The following ABL1 variants were observed in gnomAD, a reference collection of about 807,000 sequenced individuals.
ABL1 encodes tyrosine-protein kinase ABL1.
In ABL1, 11 loss-of-function variants were observed where a neutral mutation model predicts 94.7. The ratio of observed to expected loss-of-function variants is 0.12; its 90% CI spans 0.07 to 0.19. The LOEUF is 0.19. Ranked by LOEUF, ABL1 falls within the 10% of genes least tolerant of loss-of-function variation. ABL1 has a pLI of 1.00. For missense variants in ABL1, 1,082 were observed against 1,489.4 expected (o/e 0.73, Z 4.50); for synonymous variants, 656 against 622.4 (o/e 1.05, Z -0.80).
chr9:130,844,935 A>G (rs986673148), intron 1 of ABL1, among the ~76,000 whole-genome samples: 6 of 152,330 alleles, frequency 3.9e-5, no homozygotes, highest in East Asian at 1.9e-4. Context: ...GTGAAATAAA[A>G]TTTTAATTTT....
intron 1 of ABL1, among the ~76,000 whole-genome samples, chr9:130,723,672 T>G (rs946093404): frequency 1.3e-5 from 2 of 152,196 alleles, no homozygotes; most frequent in Non-Finnish European, 2.9e-5. Flanking sequence ...TTTCTGTAAC[T>G]TCTGCCCTTG....
intron 1 of ABL1, among the ~76,000 whole-genome samples, chr9:130,852,776 G>C (rs1830892644): frequency 6.6e-6 from 1 of 152,066 alleles, no homozygotes; most frequent in African/African-American, 2.4e-5. Context: ...GCTGTTGATT[G>C]ATTTCCAACT....
chr9:130,858,613 T>C (rs1243343591), intron 3 of ABL1, among the ~76,000 whole-genome samples: 2 of 152,068 alleles, frequency 1.3e-5, no homozygotes, highest in Non-Finnish European at 2.9e-5. Context: ...TGAACATCGT[T>C]AGAGGGAGCT....
In ABL1 at chr9:130,750,204, T is replaced by C. The variant is rs896269940; in HGVS notation, c.136+35749T>C. Among the ~76,000 whole-genome samples the C allele has an allele frequency of 8.2e-3, 245 of 29,896 alleles. 4 individuals carry two copies. Among genetic ancestry groups the C allele is most frequent in the Admixed American group, 0.014 (37 of 2,720 alleles). 19.6% of individuals were successfully genotyped at this position (29,896 alleles called of 152,430 possible). A position where few individuals can be genotyped will look rare whatever the true frequency, so the allele number is the denominator to read the frequency against. On this transcript the variant is annotated intron_variant, in intron 1 of 10. Transcript: ENST00000372348. ...GAAAAAAAAAATACATATATATATATATATATATATATATATATATATATA... is the reference window on the plus strand; with the variant it reads ...GAAAAAAAAAATACATATATATATACATATATATATATATATATATATATA...
intron 1 of ABL1, among the ~76,000 whole-genome samples, chr9:130,739,284 A>G (rs1831784864): frequency 1.3e-5 from 2 of 151,864 alleles, no homozygotes; most frequent in Admixed American, 6.6e-5. Context: ...GTGAGACATG[A>G]TGTGATGTTT....
intron 3 of ABL1, among the ~76,000 whole-genome samples, chr9:130,859,759 C>T (rs1035381775): frequency 2.3e-5 from 3 of 131,788 alleles, no homozygotes; most frequent in Non-Finnish European, 4.6e-5. Context: ...CGGCTCATTG[C>T]AACCTGCGCC....
At chr9:130,809,311 A>T (rs1830171581) in intron 1 of ABL1, among the ~76,000 whole-genome samples, 1 of 151,940 alleles carries the variant, frequency 6.6e-6, no homozygotes, top group South Asian at 2.1e-4. Flanking sequence ...TCCCAGTAGC[A>T]GAGTAGAACA....
intron 1 of ABL1, among the ~76,000 whole-genome samples, chr9:130,809,308 A>T (rs1830171561): frequency 6.6e-6 from 1 of 151,904 alleles, no homozygotes; most frequent in South Asian, 2.1e-4. Flanking sequence ...TGTTCCCAGT[A>T]GCAGAGTAGA....
chr9:130,847,407 A>G (rs894342363), intron 1 of ABL1, among the ~76,000 whole-genome samples: 1 of 152,106 alleles, frequency 6.6e-6, no homozygotes, highest in African/African-American at 2.4e-5. Flanking sequence ...AGCCTTCTTT[A>G]GGGGAATCTT....
chr9:130,756,051 C>T (rs1364824097), intron 1 of ABL1, among the ~76,000 whole-genome samples: 1 of 152,032 alleles, frequency 6.6e-6, no homozygotes, highest in Non-Finnish European at 1.5e-5. Flanking sequence ...CTTATGTAAG[C>T]CACTTAGTAT....
chr9:130,884,573 T>C lies in ABL1; in HGVS notation c.2283T>C (p.Ala761=), dbSNP rs1304335212. 3 of 1,613,268 alleles carry C rather than the reference T, an allele frequency of 1.9e-6. No homozygotes were observed. Among genetic ancestry groups the C allele is most frequent in the Non-Finnish European group, 2.5e-6 (3 of 1,180,014 alleles). Residue 761 remains alanine (A), a synonymous_variant, in exon 11 of 11, where the codon GCT becomes GCC. Transcript: ENST00000318560. The surrounding 1 kb of genome is among the most constrained non-coding windows in gnomAD (Gnocchi z 5.6). ...GAGGGCACAAAAGTGAGAAGCCGGC[T>C]CTGCCTCGGAAGAGGGCAGGGGAGA... The part of the protein sequence containing the change: ...TFGGHKSEKP[A]LPRKRAGENR...
intron 1 of ABL1, among the ~76,000 whole-genome samples, chr9:130,740,819 A>ATTTTTTTTT (rs34323373): frequency 8.2e-5 from 8 of 97,812 alleles, no homozygotes; most frequent in Non-Finnish European, 1.2e-4. Context: ...CCACACCCAG[A>ATTTTTTTTT]TTTTTTTTTT....
chr9:130,747,461 T>C (rs1175121760), intron 1 of ABL1, among the ~76,000 whole-genome samples: 5 of 152,152 alleles, frequency 3.3e-5, no homozygotes, highest in Non-Finnish European at 7.4e-5. Context: ...TCGCCCAGGC[T>C]GGAGTGCAGT....
intron 3 of ABL1, among the ~76,000 whole-genome samples, chr9:130,855,573 T>TA (rs748708862): frequency 5.9e-5 from 9 of 152,168 alleles, no homozygotes; most frequent in Non-Finnish European, 8.8e-5. Context: ...TGTGTGGACA[T>TA]ACGTGCATAC....
At chr9:130,830,553 G>C (rs940104205), upstream of ABL1, among the ~76,000 whole-genome samples, 1 of 152,062 alleles carries the variant, frequency 6.6e-6, no homozygotes, top group Admixed American at 6.5e-5. Flanking sequence ...TGATTTCCTG[G>C]TCCCTTGGAA....
chr9:130,869,204 G>A (rs554927526), intron 4 of ABL1, among the ~76,000 whole-genome samples: 1 of 152,206 alleles, frequency 6.6e-6, no homozygotes, highest in African/African-American at 2.4e-5. Context: ...TGTTGAGTCT[G>A]GGAGAATGTA....
chr9:130,844,655 G>T (rs912164225), intron 1 of ABL1, among the ~76,000 whole-genome samples: 2 of 152,080 alleles, frequency 1.3e-5, no homozygotes, highest in Non-Finnish European at 2.9e-5. Flanking sequence ...ATAAAAATTA[G>T]CTGGGCATGG....
chr9:130,715,825 AG>A (rs1831430125), intron 1 of ABL1, among the ~76,000 whole-genome samples: 1 of 152,140 alleles, frequency 6.6e-6, no homozygotes, highest in African/African-American at 2.4e-5. Context: ...ATATCTCTTC[AG>A]GGGTTGAGAG....
Position 130,799,991 on chromosome 9 carries a change from G to A in ABL1, c.137-54073G>A, listed in dbSNP as rs527295087. On this transcript the variant is annotated intron_variant, in intron 1 of 10. Transcript: ENST00000372348. ...CAGTTCAAGTGATTCTCCTGCCTCA[G>A]CCTTCCAAGTAGCTAGGACTACAGG... Among the ~76,000 whole-genome samples the A allele has an allele frequency of 3.9e-5, 6 of 151,908 alleles. No individual in the cohort carries two copies. The South Asian group carries it at 1.3e-3, about 32-fold the overall frequency.
Sources: gnomAD v4.1 joint callset for allele counts (sites outside exome capture counted in the v4.1 genomes callset) on GRCh38, gnomAD v4.1.1 for gene constraint, Gnocchi (gnomAD v3.1) non-coding constraint, MANE v1.5 for transcripts, NCBI Gene and HGNC (gene_info 2026-07-23, HGNC 2026-07-21) for gene names.